Variants in RAPGEF3 observed in about 807,000 individuals in gnomAD.
RAPGEF3 encodes Rap guanine nucleotide exchange factor 3, also known as 9330170P05Rik.
A neutral mutation model predicts 129.8 loss-of-function variants in RAPGEF3; 103 were observed. That is an observed-to-expected ratio of 0.79 (90% CI 0.68 to 0.93). The LOEUF (loss-of-function observed/expected upper bound fraction) is 0.93. Ranked by LOEUF, RAPGEF3 falls within the 40% of genes least tolerant of loss-of-function variation. The pLI, the probability that RAPGEF3 is intolerant of heterozygous loss-of-function variation, is 0.00. For synonymous variants in RAPGEF3, 436 were observed against 482.6 expected, an observed-to-expected ratio of 0.90 and a Z score of 1.26; for missense variants, 1,117 against 1,207.4, an observed-to-expected ratio of 0.93 and a Z score of 1.11.
rs1592533927 is a variant in RAPGEF3, at chr12:47,739,159, C to A, written c.2445G>T (p.Met815Ile). ...AKLSPPVIPFMPLLLKDMTFI... is the reference protein window; with the variant it reads ...AKLSPPVIPFIPLLLKDMTFI... ...CCCTGTTACCTTTGAGAAGAAGGGG[C>A]ATGAAGGGGATGACAGGAGGGGAGA... Residue 815 changes from methionine to isoleucine, a missense_variant, in exon 24 of 28, where the codon ATG becomes ATT. Around this residue, in one of 3 missense-constraint regions of RAPGEF3, gnomAD observed 643 missense variants for 673.4 expected, o/e 0.95. Coordinates refer to ENST00000449771, the MANE Select transcript of RAPGEF3 (RefSeq NM_001098531.4). 1 of 1,603,150 alleles carries A rather than the reference C, an allele frequency of 6.2e-7. No individual in the cohort carries two copies. The highest frequency in any genetic ancestry group is 1.7e-5 in the Admixed American group (1 of 57,646).
chr12:47,753,508 G>T (rs578020740), intron 2 of RAPGEF3, among the ~76,000 whole-genome samples: 1 of 152,366 alleles, frequency 6.6e-6, no homozygotes, highest in Non-Finnish European at 1.5e-5. Context: ...TCTGGCATGT[G>T]CAGGCGCCTG....
Position 47,751,739 on chromosome 12 carries a change from G to A in RAPGEF3, c.364C>T (p.His122Tyr). The A allele has an allele frequency of 6.2e-7, 1 of 1,613,332 alleles. No homozygotes were observed. The highest frequency in any genetic ancestry group is 8.5e-7 in the Non-Finnish European group (1 of 1,180,022). ...CPNLIRDRKY[H>Y]LRLYRQCCSG... is the part of the protein sequence containing the mutation. ...TCCACTCACCGATAGAGCCTAAGGT[G>A]GTACTTCCGGTCTCGGATGAGGTTT... The change falls in exon 4 of 28, where the codon CAC (histidine) becomes TAC (tyrosine). Residue 122 changes from histidine to tyrosine, a missense_variant. Around this residue, in one of 3 missense-constraint regions of RAPGEF3, gnomAD observed 367 missense variants for 373.4 expected, o/e 0.98. Transcript: ENST00000449771.
At chr12:47,753,534 G>C (rs1156964320) in intron 2 of RAPGEF3, among the ~76,000 whole-genome samples, 1 of 152,242 alleles carries the variant, frequency 6.6e-6, no homozygotes, top group African/African-American at 2.4e-5. Flanking sequence ...GGGCTGGGCG[G>C]AAGTCACTAG....
At chr12:47,746,319 C>T in intron 16 of RAPGEF3, 1 of 317,384 alleles carries the variant, frequency 3.2e-6, no homozygotes, top group Non-Finnish European at 5.8e-6. Context: ...GATTTTATTC[C>T]CAGTGCAGCC....
intron 19 of RAPGEF3, 114 bp from the exon 20 acceptor site, chr12:47,741,154 G>A: frequency 7.6e-7 from 1 of 1,308,640 alleles, no homozygotes; most frequent in Admixed American, 2.1e-5. Flanking sequence ...AGGGTTAGGA[G>A]GGCAGGAGTG....
chr12:47,758,507 C>T (rs760376900), intron 1 of RAPGEF3, 44 bp downstream of exon 1: 3 of 1,605,992 alleles, frequency 1.9e-6, no homozygotes, highest in Middle Eastern at 1.7e-4. Flanking sequence ...CTTCCTCTCC[C>T]GCCCTCTCCT....
At chr12:47,753,353 A>T (rs569565521) in intron 2 of RAPGEF3, among the ~76,000 whole-genome samples, 14 of 151,102 alleles carry the variant, frequency 9.3e-5, no homozygotes, top group Non-Finnish European at 1.9e-4. Flanking sequence ...CTCTCCCCTC[A>T]CCAGCCACCT....
Position 47,747,586 on chromosome 12 carries a change from T to C in RAPGEF3, c.1514A>G (p.Asn505Ser). The part of the protein sequence containing the change: ...DLVGRDTRLS[N>S]LLREQWPERR... ...CTCTGGCCACTGCTCCCTCAGCAGGTTGCTGAGTCGGGTGTCCCTGCCCAC... is the reference window on the plus strand; with the variant it reads ...CTCTGGCCACTGCTCCCTCAGCAGGCTGCTGAGTCGGGTGTCCCTGCCCAC... The change falls in exon 15 of 28, where the codon AAC (asparagine) becomes AGC (serine). Residue 505 changes from asparagine to serine, a missense_variant. Transcript: ENST00000449771. The C allele has an allele frequency of 1.2e-6, 2 of 1,614,030 alleles. No individual in the cohort carries two copies. Among genetic ancestry groups the C allele is most frequent in the Non-Finnish European group, 1.7e-6 (2 of 1,179,904 alleles).
At chr12:47,741,633 G>T (rs758737210) in intron 18 of RAPGEF3, 31 bp from the exon 19 acceptor site, 1 of 1,568,336 alleles carries the variant, frequency 6.4e-7, no homozygotes, top group Non-Finnish European at 8.8e-7. Context: ...GACTGGGTGG[G>T]GGAAGGGAGG....
At chr12:47,742,427 G>C (rs572345744) in intron 18 of RAPGEF3, 1 of 152,398 alleles carries the variant, frequency 6.6e-6, no homozygotes, top group East Asian at 1.9e-4. Context: ...TGCTTCCCAG[G>C]GCAGGGCACA....
intron 21 of RAPGEF3, 119 bp downstream of exon 21, chr12:47,740,523 G>C: frequency 6.8e-7 from 1 of 1,476,304 alleles, no homozygotes; most frequent in South Asian, 1.2e-5. Flanking sequence ...AGAGGCTCCA[G>C]GGGACCCAGG....
intron 24 of RAPGEF3, 158 bp downstream of exon 24, chr12:47,738,985 G>C: frequency 1.4e-6 from 1 of 717,660 alleles, no homozygotes; most frequent in Non-Finnish European, 2.3e-6. Context: ...ATTCATCTCT[G>C]CACTCCCTGA....
chr12:47,758,248 G>A (rs1942218541), intron 1 of RAPGEF3, 170 bp from the exon 2 acceptor site: 1 of 1,433,114 alleles, frequency 7.0e-7, no homozygotes, highest in Non-Finnish European at 9.1e-7. Context: ...CCTTCACTGG[G>A]GCCTGCCGGT....
In RAPGEF3 at chr12:47,751,423, G is replaced by A. The variant is rs1451030048; in HGVS notation, c.478C>T (p.Leu160=). The A allele has an allele frequency of 6.2e-7, 1 of 1,614,108 alleles. No individual in the cohort carries two copies. Reference sequence around the variant, plus strand: ...CCATGGCAGAGGGCACCTTCATCCAGCAGCACCTGGCAGATTCCCACAACT... The same window carrying A: ...CCATGGCAGAGGGCACCTTCATCCAACAGCACCTGGCAGATTCCCACAACT... ...SQVVGICQVL[L]DEGALCHVKH... The change falls in exon 5 of 28, where the codon CTG becomes TTG. Residue 160 remains leucine, a synonymous_variant. Transcript: ENST00000449771.
chr12:47,751,898 C>T lies in RAPGEF3; in HGVS notation c.273+18G>A, dbSNP rs1941774976. 1.2e-6 allele frequency: 2 copies of T among 1,614,054 alleles called. No individual in the cohort carries two copies. Among genetic ancestry groups the T allele is most frequent in the East Asian group, 4.5e-5 (2 of 44,898 alleles). The stretch of plus-strand genomic sequence containing the variant: ...CATGGTGCTGCCTGTCCCAGCTCCA[C>T]CCTGCCCAGGCTTCTACCTGCTCCA... On this transcript the variant is annotated intron_variant, in intron 3 of 27. Transcript: ENST00000449771.
intron 17 of RAPGEF3, 90 bp downstream of exon 17, chr12:47,743,897 C>A (rs578133011): frequency 6.9e-7 from 1 of 1,448,736 alleles, no homozygotes; most frequent in African/African-American, 1.4e-5. Context: ...CCAGGCACAC[C>A]GAGGTCAAGA....
intron 22 of RAPGEF3, 31 bp downstream of exon 22, chr12:47,740,274 C>G: frequency 6.2e-7 from 1 of 1,612,878 alleles, no homozygotes; most frequent in Non-Finnish European, 8.5e-7. Context: ...GAGGCCTGAC[C>G]TCAGGAGGGG....
chr12:47,741,515 A>G lies in RAPGEF3; in HGVS notation c.1913T>C (p.Val638Ala), dbSNP rs1229498674. The change falls in exon 19 of 28, where the codon GTG becomes GCG. Residue 638 changes from valine (V) to alanine (A), a missense_variant. This residue lies in a region of RAPGEF3 where 643 missense variants were observed against 673.4 expected (regional missense o/e 0.95). Transcript: ENST00000449771. ...CTGCCTGGTCCCTACCAGCTCATGC[A>G]CTTCCTGTGGGTTGACAACAAAGAG... ...ERLFVVNPQE[V>A]HELIPHPDQL... is the part of the protein sequence containing the mutation. 3 of 1,613,932 alleles carry G rather than the reference A, an allele frequency of 1.9e-6. No individual in the cohort carries two copies. Among genetic ancestry groups the G allele is most frequent in the Admixed American group, 3.3e-5 (2 of 60,020 alleles).
Position 47,751,476 on chromosome 12 carries a change from A to G in RAPGEF3, c.425T>C (p.Leu142Pro). ...GCTCCGGGAATGGACCCCAAGTCCC[A>G]GGGCCAAGATCCCATCCACCAGCTC... is the stretch of plus-strand genomic sequence containing the variant. ...GRELVDGILA[L>P]GLGVHSRSQV... The change falls in exon 5 of 28, where the codon CTG becomes CCG. Residue 142 changes from leucine (L) to proline (P), a missense_variant. By Grantham distance (98) the Leu-to-Pro change is moderately conservative. Around this residue, in one of 3 missense-constraint regions of RAPGEF3, gnomAD observed 367 missense variants for 373.4 expected, o/e 0.98. Transcript: ENST00000449771. 2.5e-6 allele frequency: 4 copies of G among 1,614,216 alleles called. No homozygotes were observed. The highest frequency in any genetic ancestry group is 3.4e-6 in the Non-Finnish European group (4 of 1,180,034).
Sources: gnomAD v4.1 joint callset for allele counts (sites outside exome capture counted in the v4.1 genomes callset) on GRCh38, gnomAD v4.1.1 for gene constraint, gnomAD v4.1.1 regional missense constraint, MANE v1.5 for transcripts, NCBI Gene and HGNC (gene_info 2026-07-23, HGNC 2026-07-21) for gene names.